Variants in ATXN1 observed in about 807,000 individuals in gnomAD.
ATXN1 encodes the protein ataxin-1.
In ATXN1, 8 loss-of-function variants were observed where a neutral mutation model predicts 56.4. The ratio of observed to expected loss-of-function variants is 0.14; its 90% CI spans 0.08 to 0.26. The LOEUF (loss-of-function observed/expected upper bound fraction) is 0.26. Among genes scored for constraint, ATXN1 ranks in the 10% least tolerant of loss-of-function variants. The pLI is 1.00. For missense variants in ATXN1, 987 were observed against 1,106.5 expected (o/e 0.89, Z 1.53); for synonymous variants, 514 against 494.6 (o/e 1.04, Z -0.52).
chr6:16,550,155 C>CAAA (rs70999336), intron 4 of ATXN1, among the ~76,000 whole-genome samples: 1 of 91,194 alleles, frequency 1.1e-5, no homozygotes, highest in Non-Finnish European at 2.3e-5. Flanking sequence ...AAATAAAATA[C>CAAA]AAAAAAAAAA....
chr6:16,710,665 G>A (rs1385900367), intron 2 of ATXN1, among the ~76,000 whole-genome samples: 5 of 152,284 alleles, frequency 3.3e-5, no homozygotes, highest in African/African-American at 9.6e-5. Context: ...ACAGCTCACT[G>A]TAGCCTCAAC....
intron 6 of ATXN1, among the ~76,000 whole-genome samples, chr6:16,329,959 A>G (rs1320008985): frequency 6.6e-6 from 1 of 152,240 alleles, no homozygotes; most frequent in Non-Finnish European, 1.5e-5. Context: ...AGCTGTAGGT[A>G]TGCACAGTGC....
intron 4 of ATXN1, among the ~76,000 whole-genome samples, chr6:16,580,279 A>G (rs1312463173): frequency 1.3e-5 from 2 of 152,256 alleles, no homozygotes; most frequent in African/African-American, 4.8e-5. Flanking sequence ...CCTATCTCAC[A>G]TTCCTGAATT....
intron 4 of ATXN1, among the ~76,000 whole-genome samples, chr6:16,551,084 C>T (rs1761913043): frequency 6.6e-6 from 1 of 152,154 alleles, no homozygotes; most frequent in Middle Eastern, 3.2e-3. Flanking sequence ...GGAGACATAA[C>T]ACTGGAGATA....
At chr6:16,702,017 A>G (rs947329171) in intron 2 of ATXN1, among the ~76,000 whole-genome samples, 3 of 152,078 alleles carry the variant, frequency 2.0e-5, no homozygotes, top group East Asian at 1.9e-4. Context: ...AAAAGAGCCC[A>G]CATTGCCAAG....
At chr6:16,624,339 G>A (rs1302844955) in intron 3 of ATXN1, among the ~76,000 whole-genome samples, 3 of 137,958 alleles carry the variant, frequency 2.2e-5, no homozygotes, top group South Asian at 2.3e-4. Context: ...GGATGAGAGC[G>A]AGACTTTGTC....
At chr6:16,363,119 C>G (rs1761847400) in intron 6 of ATXN1, among the ~76,000 whole-genome samples, 1 of 152,164 alleles carries the variant, frequency 6.6e-6, no homozygotes, top group African/African-American at 2.4e-5. Flanking sequence ...CAGACTTTTT[C>G]TGGAAAAATG....
At chr6:16,453,781 T>C (rs1759805129) in intron 6 of ATXN1, among the ~76,000 whole-genome samples, 1 of 152,152 alleles carries the variant, frequency 6.6e-6, no homozygotes, top group African/African-American at 2.4e-5. Context: ...TAAACTATAT[T>C]TCTAATTCTG....
At chr6:16,590,340 A>G (rs1276016517) in intron 3 of ATXN1, among the ~76,000 whole-genome samples, 1 of 152,276 alleles carries the variant, frequency 6.6e-6, no homozygotes, top group East Asian at 1.9e-4. Context: ...AAAAAAAATA[A>G]GAATGAATTG....
chr6:16,438,347 T>C (rs1321794806), intron 6 of ATXN1, among the ~76,000 whole-genome samples: 2 of 152,254 alleles, frequency 1.3e-5, no homozygotes, highest in Non-Finnish European at 1.5e-5. Flanking sequence ...TGGACTCTGT[T>C]GACTTTTTAG....
chr6:16,596,166 T>G (rs1402866071), intron 3 of ATXN1, among the ~76,000 whole-genome samples: 2 of 152,040 alleles, frequency 1.3e-5, no homozygotes, highest in Non-Finnish European at 2.9e-5. Context: ...TTGGCTAATT[T>G]TTACTTATTT....
At chr6:16,582,251 T>C (rs1035204212) in intron 4 of ATXN1, among the ~76,000 whole-genome samples, 1 of 152,208 alleles carries the variant, frequency 6.6e-6, no homozygotes, top group African/African-American at 2.4e-5. Context: ...TCATCTCCCC[T>C]GTTCCCCCAA....
intron 3 of ATXN1, among the ~76,000 whole-genome samples, chr6:16,613,267 G>A (rs1209895417): frequency 4.6e-5 from 4 of 87,798 alleles, no homozygotes; most frequent in African/African-American, 2.0e-4. Context: ...GCGAGACTCC[G>A]TCTCAAAAAA....
chr6:16,516,943 T>A (rs1761193981), intron 5 of ATXN1, among the ~76,000 whole-genome samples: 1 of 152,240 alleles, frequency 6.6e-6, no homozygotes, highest in South Asian at 2.1e-4. Flanking sequence ...CAAAATTTAG[T>A]TGTGAGCCTC....
chr6:16,557,067 T>C (rs1372837007), intron 4 of ATXN1, among the ~76,000 whole-genome samples: 1 of 152,180 alleles, frequency 6.6e-6, no homozygotes, highest in Admixed American at 6.5e-5. Flanking sequence ...CTCAGGCCTA[T>C]TATTCCAGCA....
rs1193431838 is a variant in ATXN1 at position 16,301,433 on chromosome 6, C to G, written c.*4896G>C. On this transcript the variant is annotated 3_prime_UTR_variant, in exon 8 of 8. Coordinates refer to ENST00000436367, the MANE Select transcript of ATXN1 (RefSeq NM_001128164.2). ...CCTATGCCAGAAACACAACACTGTC[C>G]GTGGAAAAGAGAGGAAACCAACCCA... is the stretch of plus-strand genomic sequence containing the variant. 1 of 152,428 alleles carries G rather than the reference C, an allele frequency of 6.6e-6. No homozygotes were observed. Among genetic ancestry groups the G allele is most frequent in the Admixed American group, 6.5e-5 (1 of 15,276 alleles). 9.4% of individuals were successfully genotyped at this position (152,428 alleles called of 1,614,324 possible). A position where few individuals can be genotyped will look rare whatever the true frequency, so the allele number is the denominator to read the frequency against.
chr6:16,646,576 G>T (rs1353412300), intron 3 of ATXN1, among the ~76,000 whole-genome samples: 5 of 152,148 alleles, frequency 3.3e-5, no homozygotes, highest in African/African-American at 1.2e-4. Context: ...GCTCAAACTG[G>T]TCCACAGCTT....
intron 4 of ATXN1, among the ~76,000 whole-genome samples, chr6:16,550,859 T>C (rs1027094215): frequency 1.3e-5 from 2 of 152,214 alleles, no homozygotes; most frequent in Non-Finnish European, 2.9e-5. Flanking sequence ...TTTGAAAACA[T>C]TTTCCAAAAT....
At chr6:16,405,715 A>T (rs1046433116) in intron 6 of ATXN1, among the ~76,000 whole-genome samples, 1 of 151,982 alleles carries the variant, frequency 6.6e-6, no homozygotes, top group Non-Finnish European at 1.5e-5. Context: ...CCTGCCTTTG[A>T]CTCTTATCAT....
Sources: gnomAD v4.1 joint callset for allele counts (sites outside exome capture counted in the v4.1 genomes callset) on GRCh38, gnomAD v4.1.1 for gene constraint, MANE v1.5 for transcripts, NCBI Gene and HGNC (gene_info 2026-07-23, HGNC 2026-07-21) for gene names.